The following NAALADL2 variants were observed in gnomAD, a reference collection of about 807,000 sequenced individuals.
NAALADL2 encodes the protein inactive N-acetylated-alpha-linked acidic dipeptidase-like protein 2.
In NAALADL2, 76 loss-of-function variants were observed where a neutral mutation model predicts 87.2. That is an observed-to-expected ratio of 0.87 (90% confidence interval 0.72 to 1.05). NAALADL2 has a LOEUF of 1.05. Ranked by LOEUF, NAALADL2 falls within the 50% of genes least tolerant of loss-of-function variation. The pLI, the probability that NAALADL2 is intolerant of heterozygous loss-of-function variation, is 0.00. For missense variants in NAALADL2, 1,089 were observed against 945.8 expected, an observed-to-expected ratio of 1.15 and a Z score of -1.99; for synonymous variants, 354 against 331.0, an observed-to-expected ratio of 1.07 and a Z score of -0.75.
At chr3:174,946,229 C>T (rs11928019) in intron 1 of NAALADL2, among the ~76,000 whole-genome samples, 6,309 of 151,868 alleles carry the variant, frequency 0.042, 445 homozygotes, top group African/African-American at 0.14. Flanking sequence ...CAATGGAATG[C>T]GTTTTTTATA....
chr3:174,598,820 G>A (rs1718167328), intron 2 of NAALADL2, among the ~76,000 whole-genome samples: 1 of 152,090 alleles, frequency 6.6e-6, no homozygotes. Context: ...ATCATATGTT[G>A]CTATCATTTT....
chr3:174,985,595 A>G (rs1444716249), intron 1 of NAALADL2, among the ~76,000 whole-genome samples: 6 of 152,144 alleles, frequency 3.9e-5, no homozygotes, highest in Admixed American at 3.9e-4. Context: ...TAATAAAAGC[A>G]GAAGGCCATC....
At chr3:175,115,259 A>G (rs1262517629) in intron 2 of NAALADL2, 1 of 151,598 alleles carries the variant, frequency 6.6e-6, no homozygotes, top group African/African-American at 2.4e-5. Context: ...AAACAGTCAA[A>G]CATAACTTAC....
intron 3 of NAALADL2, among the ~76,000 whole-genome samples, chr3:174,791,548 T>G (rs529194530): frequency 1.3e-5 from 2 of 152,278 alleles, no homozygotes; most frequent in African/African-American, 4.8e-5. Flanking sequence ...TATGAGCTAC[T>G]CAGTTTATAG....
chr3:175,167,410 C>A (rs1371920767), intron 2 of NAALADL2, among the ~76,000 whole-genome samples: 2 of 152,034 alleles, frequency 1.3e-5, no homozygotes, highest in African/African-American at 4.8e-5. Flanking sequence ...GCTTCCAAAG[C>A]AATGCCTGAC....
intron 11 of NAALADL2, among the ~76,000 whole-genome samples, chr3:175,699,203 G>C (rs980209758): frequency 6.6e-6 from 1 of 151,872 alleles, no homozygotes; most frequent in Non-Finnish European, 1.5e-5. Context: ...GAATCCATTA[G>C]TTTATAAGCT....
chr3:175,287,050 A>G (rs1252593127), intron 4 of NAALADL2, among the ~76,000 whole-genome samples: 1 of 152,156 alleles, frequency 6.6e-6, no homozygotes, highest in African/African-American at 2.4e-5. Context: ...CTGAGGCTGC[A>G]GTGAGATTGC....
At chr3:175,430,603 A>G (rs912961392) in intron 5 of NAALADL2, among the ~76,000 whole-genome samples, 5 of 152,042 alleles carry the variant, frequency 3.3e-5, no homozygotes, top group East Asian at 1.9e-4. Flanking sequence ...CATCTCTGTT[A>G]TCCAGAGGCA....
intron 10 of NAALADL2, among the ~76,000 whole-genome samples, chr3:175,600,525 CTTTTTTTTTTTTTTTT>C (rs869212429): frequency 1.6e-5 from 1 of 61,040 alleles, no homozygotes; most frequent in Non-Finnish European, 2.9e-5. Flanking sequence ...GTGTCTTAGT[CTTTTTTTTTTTTTTTT>C]TTTTTTTTTT....
At chr3:175,181,701 A>ATG (rs1228422055) in intron 2 of NAALADL2, among the ~76,000 whole-genome samples, 1 of 108,240 alleles carries the variant, frequency 9.2e-6, no homozygotes, top group South Asian at 3.1e-4. Flanking sequence ...ATATATATAT[A>ATG]TATGTGTGTG....
chr3:174,561,288 C>G (rs1031665340), intron 2 of NAALADL2, among the ~76,000 whole-genome samples: 1 of 150,814 alleles, frequency 6.6e-6, no homozygotes, highest in Non-Finnish European at 1.5e-5. Flanking sequence ...CAACCTCTGA[C>G]GCCCTGGTTC....
chr3:174,746,122 A>G (rs1218801334), intron 3 of NAALADL2, among the ~76,000 whole-genome samples: 2 of 152,192 alleles, frequency 1.3e-5, no homozygotes, highest in African/African-American at 4.8e-5. Flanking sequence ...TTCAAATTGG[A>G]AGAGAGGAAG....
intron 4 of NAALADL2, among the ~76,000 whole-genome samples, chr3:175,261,660 A>G (rs1751064933): frequency 6.6e-6 from 1 of 152,042 alleles, no homozygotes; most frequent in Non-Finnish European, 1.5e-5. Flanking sequence ...TAGTTTTTTC[A>G]TTATTCTTAT....
At chr3:174,779,433 A>C (rs1373149008) in intron 3 of NAALADL2, among the ~76,000 whole-genome samples, 1 of 151,888 alleles carries the variant, frequency 6.6e-6, no homozygotes, top group Non-Finnish European at 1.5e-5. Context: ...TTGCCTATTC[A>C]CTCTGATGAT....
chr3:174,760,158 C>CA (rs907318624), intron 3 of NAALADL2, among the ~76,000 whole-genome samples: 25 of 151,954 alleles, frequency 1.6e-4, no homozygotes, highest in African/African-American at 5.3e-4. Flanking sequence ...TATTAAGCAG[C>CA]AAAAAAACAG....
chr3:175,385,181 C>T lies in NAALADL2; in HGVS notation c.1090+60856C>T, dbSNP rs1003500072. On this transcript the variant is annotated intron_variant, in intron 5 of 13. Transcript: ENST00000454872. Reference sequence around the variant, plus strand: ...CATTTGTCTAAATGAAGGCCCAATGCATCAATTTCCATTCAAAGCATAAGG... The same window carrying T: ...CATTTGTCTAAATGAAGGCCCAATGTATCAATTTCCATTCAAAGCATAAGG... 5.3e-5 allele frequency among the ~76,000 whole-genome samples: 8 copies of T among 152,026 alleles called. No homozygotes were observed. In the South Asian group the frequency reaches 1.7e-3, roughly 31 times the overall value.
chr3:175,523,456 T>C lies in NAALADL2; in HGVS notation c.1653+51698T>C, dbSNP rs79230217. On this transcript the variant is annotated intron_variant, in intron 9 of 13. Transcript: ENST00000454872. ...TATTTAGAAAACTTGCTCTAGATAA[T>C]CCAATATTCTGCACCTTTCCACCCA... Among the ~76,000 whole-genome samples, 875 of 152,314 alleles carry C rather than the reference T, an allele frequency of 5.7e-3. 5 individuals are homozygous for C. Among genetic ancestry groups the C allele is most frequent in the Non-Finnish European group, 8.5e-3 (579 of 68,026 alleles).
chr3:175,399,515 T>C (rs1284144640), intron 5 of NAALADL2, among the ~76,000 whole-genome samples: 1 of 152,176 alleles, frequency 6.6e-6, no homozygotes, highest in African/African-American at 2.4e-5. Flanking sequence ...GGTGGATTAT[T>C]CATGCCTCCC....
intron 3 of NAALADL2, among the ~76,000 whole-genome samples, chr3:174,818,269 G>A (rs1387374900): frequency 6.6e-6 from 1 of 152,074 alleles, no homozygotes; most frequent in Non-Finnish European, 1.5e-5. Flanking sequence ...AAACATTCCT[G>A]GAGCAGAGAT....
Sources: gnomAD v4.1 joint callset for allele counts (sites outside exome capture counted in the v4.1 genomes callset) on GRCh38, gnomAD v4.1.1 for gene constraint, MANE v1.5 for transcripts, NCBI Gene and HGNC (gene_info 2026-07-23, HGNC 2026-07-21) for gene names.